Variants in KAT2B observed in about 807,000 individuals in gnomAD.
The protein encoded by KAT2B is lysine acetyltransferase 2B, also known as histone acetyltransferase KAT2B.
KAT2B carries 36 observed loss-of-function variants against 105.9 expected under a neutral mutation model. That is an observed-to-expected ratio of 0.34 (90% CI 0.26 to 0.45). The LOEUF (loss-of-function observed/expected upper bound fraction) is 0.45. Ranked by LOEUF, KAT2B falls within the 20% of genes least tolerant of loss-of-function variation. KAT2B has a pLI of 1.00. For synonymous variants in KAT2B, 397 were observed against 377.9 expected (o/e 1.05, Z -0.59); for missense variants, 820 against 1,021.6 (o/e 0.80, Z 2.69).
intron 1 of KAT2B, among the ~76,000 whole-genome samples, chr3:20,061,353 C>T (rs1012513457): frequency 5.3e-5 from 8 of 150,716 alleles, no homozygotes; most frequent in East Asian, 1.9e-4. Flanking sequence ...GTATATACTA[C>T]GTTTTACTTA....
intron 1 of KAT2B, among the ~76,000 whole-genome samples, chr3:20,056,772 AT>A (rs1698010480): frequency 6.6e-6 from 1 of 152,158 alleles, no homozygotes; most frequent in Non-Finnish European, 1.5e-5. Flanking sequence ...GGCACAAGGT[AT>A]TTTAGAATGC....
intron 1 of KAT2B, among the ~76,000 whole-genome samples, chr3:20,045,730 G>T (rs1697798321): frequency 6.6e-6 from 1 of 152,166 alleles, no homozygotes; most frequent in South Asian, 2.1e-4. Flanking sequence ...CAGAGTTCAG[G>T]CTAATCTGAA....
intron 1 of KAT2B, among the ~76,000 whole-genome samples, chr3:20,042,046 C>T (rs1697728737): frequency 6.6e-6 from 1 of 152,058 alleles, no homozygotes; most frequent in South Asian, 2.1e-4. Flanking sequence ...AGGATCTAGC[C>T]CAGTGCTCCT....
intron 2 of KAT2B, among the ~76,000 whole-genome samples, chr3:20,087,667 G>A (rs992100194): frequency 6.6e-6 from 1 of 152,100 alleles, no homozygotes; most frequent in South Asian, 2.1e-4. Flanking sequence ...CGTACCTCAC[G>A]TTCCAAGTCC....
In KAT2B at chr3:20,149,495, C is replaced by CAAAAAAAAAAAGAAAAAAAAAA. The variant is rs1699833914; in HGVS notation, c.2305+1019_2305+1020insGAAAAAAAAAAAAAAAAAAAAA. On this transcript the variant is annotated intron_variant, in intron 17 of 17. Transcript: ENST00000263754. ...TGGGCACTGGAGGGAGACCGTATCTCAAAAAAAAAAAAAAAAAAAAAAAAA... is the reference window on the plus strand; with the variant it reads ...TGGGCACTGGAGGGAGACCGTATCTCAAAAAAAAAAAGAAAAAAAAAAAAAAAAAAAAAAAAAAAAAAAAAAA... Among the ~76,000 whole-genome samples, 34 of 42,438 alleles carry CAAAAAAAAAAAGAAAAAAAAAA rather than the reference C, an allele frequency of 8.0e-4. 2 individuals carry two copies. The highest frequency in any genetic ancestry group is 4.2e-3 in the African/African-American group (32 of 7,694). 27.8% of individuals were successfully genotyped at this position (42,438 alleles called of 152,430 possible). A position where few individuals can be genotyped will look rare whatever the true frequency, so the allele number is the denominator to read the frequency against.
chr3:20,152,022 G>C (rs772328121), intron 17 of KAT2B, among the ~76,000 whole-genome samples: 2 of 152,166 alleles, frequency 1.3e-5, no homozygotes, highest in Non-Finnish European at 2.9e-5. Flanking sequence ...ACAGTAGTCA[G>C]TTCATCATAC....
At chr3:20,072,484 A>C in intron 2 of KAT2B, 25 bp downstream of exon 2, 1 of 1,609,128 alleles carries the variant, frequency 6.2e-7, no homozygotes, top group Non-Finnish European at 8.5e-7. Flanking sequence ...CTTCAAGGAA[A>C]GTATAACGAG....
Position 20,061,719 on chromosome 3 carries a change from G to A in KAT2B, c.304-10614G>A, listed in dbSNP as rs530024150. 8.8e-5 allele frequency among the ~76,000 whole-genome samples: 12 copies of A among 136,640 alleles called. No individual in the cohort carries two copies. In the South Asian group the frequency reaches 1.9e-3, roughly 22 times the overall value. The allele number at this position is 136,640 out of a possible 152,430, so 89.6% of individuals were successfully genotyped here. A position where few individuals can be genotyped will look rare whatever the true frequency, so the allele number is the denominator to read the frequency against. On this transcript the variant is annotated intron_variant, in intron 1 of 17. Transcript: ENST00000263754. ...GTAGTTTTAATTTGTATTTTCATAC[G>A]TATATATGAAAAAATAATATATATG...
In KAT2B at chr3:20,073,721, T is replaced by C. The variant is rs13080058; in HGVS notation, c.430+1262T>C. ...ATTATAATTTACCTTTTTAAAAAAA[T>C]AAATAAATAAAACAGAACGAAACAA... On this transcript the variant is annotated intron_variant, in intron 2 of 17. Coordinates refer to ENST00000263754, the MANE Select transcript of KAT2B (RefSeq NM_003884.5). Among the ~76,000 whole-genome samples the C allele has an allele frequency of 1.1e-4, 16 of 151,634 alleles. No individual in the cohort carries two copies. In the East Asian group the frequency reaches 1.9e-3, roughly 18 times the overall value.
At chr3:20,062,392 A>T (rs1393286825) in intron 1 of KAT2B, among the ~76,000 whole-genome samples, 6 of 111,688 alleles carry the variant, frequency 5.4e-5, no homozygotes, top group Non-Finnish European at 1.1e-4. Flanking sequence ...ATATAACATA[A>T]TAAATTATAT....
At chr3:20,116,605 C>A (rs924375685) in intron 7 of KAT2B, among the ~76,000 whole-genome samples, 2 of 152,124 alleles carry the variant, frequency 1.3e-5, no homozygotes, top group South Asian at 4.1e-4. Context: ...AGACAATTCT[C>A]ACCTCATATT....
At chr3:20,069,419 T>G (rs1278785845) in intron 1 of KAT2B, among the ~76,000 whole-genome samples, 1 of 152,198 alleles carries the variant, frequency 6.6e-6, no homozygotes, top group African/African-American at 2.4e-5. Flanking sequence ...AAGATCAACT[T>G]CTGTCCTTCT....
chr3:20,080,167 CATT>C (rs1171867926), intron 2 of KAT2B, among the ~76,000 whole-genome samples: 7 of 152,200 alleles, frequency 4.6e-5, no homozygotes, highest in Non-Finnish European at 1.0e-4. Flanking sequence ...CTGAGCTTCT[CATT>C]ATCCTCAGAG....
chr3:20,113,037 T>C (rs1416634916), intron 6 of KAT2B, among the ~76,000 whole-genome samples: 1 of 152,216 alleles, frequency 6.6e-6, no homozygotes, highest in Non-Finnish European at 1.5e-5. Context: ...TTCAACAACC[T>C]GATTGTCAAA....
At chr3:20,100,868 T>C (rs4858764) in intron 4 of KAT2B, 102,496 of 161,820 alleles carry the variant, frequency 0.63, 33,069 homozygotes, top group African/African-American at 0.76. Context: ...TGATAGCAGG[T>C]TTTTGATTAG....
chr3:20,051,199 C>CAA (rs61279125), intron 1 of KAT2B, among the ~76,000 whole-genome samples: 2,684 of 113,342 alleles, frequency 0.024, 98 homozygotes, highest in African/African-American at 0.078. Flanking sequence ...TACTCTGTCT[C>CAA]AAAAAAAAAA....
intron 1 of KAT2B, among the ~76,000 whole-genome samples, chr3:20,045,831 G>A (rs755219664): frequency 2.6e-5 from 4 of 152,170 alleles, no homozygotes; most frequent in African/African-American, 9.6e-5. Context: ...GATGTTACCC[G>A]CCTCATGGCA....
intron 11 of KAT2B, among the ~76,000 whole-genome samples, chr3:20,128,056 T>C (rs990745098): frequency 6.6e-6 from 1 of 152,148 alleles, no homozygotes; most frequent in African/African-American, 2.4e-5. Context: ...TGTGTATGTG[T>C]GTGAGGAGAG....
At chr3:20,117,914 A>G (rs1699234020) in intron 7 of KAT2B, among the ~76,000 whole-genome samples, 2 of 152,112 alleles carry the variant, frequency 1.3e-5, no homozygotes, top group South Asian at 4.1e-4. Context: ...AATACTGTCA[A>G]ACTCACAGAG....
Sources: allele counts gnomAD v4.1 joint callset (sites outside exome capture counted in the v4.1 genomes callset), GRCh38; gene constraint gnomAD v4.1.1; transcripts MANE v1.5; gene names NCBI Gene and HGNC (gene_info 2026-07-23, HGNC 2026-07-21).